Variants in SLC28A3 observed in about 807,000 individuals in gnomAD.
The protein encoded by SLC28A3 is concentrative Na(+)-nucleoside cotransporter 3.
SLC28A3 carries 68 observed loss-of-function variants against 84.2 expected under a neutral mutation model. The ratio of observed to expected loss-of-function variants is 0.81; its 90% CI spans 0.66 to 0.99. The LOEUF (loss-of-function observed/expected upper bound fraction) is 0.99, where lower values mean the gene tolerates loss of function less well. Among genes scored for constraint, SLC28A3 ranks in the 50% least tolerant of loss-of-function variants. The pLI is 0.00. For missense variants in SLC28A3, 712 were observed against 841.5 expected (o/e 0.85, Z 1.90); for synonymous variants, 267 against 303.6 (o/e 0.88, Z 1.25).
the SLC28A3 span, among the ~76,000 whole-genome samples, chr9:84,353,859 T>C: frequency 1.3e-5 from 2 of 152,234 alleles, no homozygotes; most frequent in African/African-American, 4.8e-5. Flanking sequence ...TTTACTTATT[T>C]GCCTTGTTAG....
chr9:84,296,514 C>T (rs911437259), intron 8 of SLC28A3, among the ~76,000 whole-genome samples: 13 of 152,296 alleles, frequency 8.5e-5, no homozygotes, highest in East Asian at 5.8e-4. Context: ...AAGGAAAACC[C>T]GAATGCATGT....
chr9:84,328,079 C>G (rs1209748879), intron 1 of SLC28A3, among the ~76,000 whole-genome samples: 1 of 149,812 alleles, frequency 6.7e-6, no homozygotes, highest in African/African-American at 2.5e-5. Flanking sequence ...AACAACAAGC[C>G]AATCTAAGAA....
At chr9:84,301,219 G>A (rs1423873324) in intron 5 of SLC28A3, among the ~76,000 whole-genome samples, 4 of 151,432 alleles carry the variant, frequency 2.6e-5, no homozygotes, top group African/African-American at 4.9e-5. Context: ...TGGGTATGGC[G>A]GTACATGGGA....
intron 14 of SLC28A3, among the ~76,000 whole-genome samples, chr9:84,283,005 C>T (rs1467876171): frequency 6.9e-6 from 1 of 145,952 alleles, no homozygotes; most frequent in East Asian, 2.1e-4. Flanking sequence ...CCTTGTTCCC[C>T]ACTTTTATTC....
chr9:84,298,457 A>C (rs1307567655), intron 6 of SLC28A3, among the ~76,000 whole-genome samples: 1 of 152,190 alleles, frequency 6.6e-6, no homozygotes, highest in Non-Finnish European at 1.5e-5. Flanking sequence ...ACTTCACTCC[A>C]GCCTGGGCAA....
chr9:84,358,329 G>T, the SLC28A3 span, among the ~76,000 whole-genome samples: 1 of 152,096 alleles, frequency 6.6e-6, no homozygotes, highest in Non-Finnish European at 1.5e-5. Context: ...CAAACAGCAT[G>T]CAGTTTATAC....
At chr9:84,325,798 C>T (rs536876714) in intron 1 of SLC28A3, among the ~76,000 whole-genome samples, 8 of 152,174 alleles carry the variant, frequency 5.3e-5, no homozygotes, top group Admixed American at 3.9e-4. Flanking sequence ...GAACACTGAC[C>T]GGTGACTCCT....
the SLC28A3 span, among the ~76,000 whole-genome samples, chr9:84,365,738 A>G: frequency 7.2e-3 from 1,103 of 152,230 alleles, 14 homozygotes; most frequent in African/African-American, 0.025. Context: ...CTGTCTCTGT[A>G]TATTTTCAGA....
chr9:84,281,060 G>T (rs1314852621), intron 14 of SLC28A3, among the ~76,000 whole-genome samples, 178 bp from the exon 15 acceptor site: 1 of 152,070 alleles, frequency 6.6e-6, no homozygotes, highest in Non-Finnish European at 1.5e-5. Flanking sequence ...GAATTTTGTG[G>T]GAAGATGGAA....
At chr9:84,300,438 TCAC>T (rs1825583410) in intron 5 of SLC28A3, among the ~76,000 whole-genome samples, 1 of 152,178 alleles carries the variant, frequency 6.6e-6, no homozygotes, top group South Asian at 2.1e-4. Flanking sequence ...TTGGGGGACC[TCAC>T]CAGCGGCCGA....
At chr9:84,349,591 A>G in the SLC28A3 span, among the ~76,000 whole-genome samples, 2 of 152,198 alleles carry the variant, frequency 1.3e-5, no homozygotes, top group African/African-American at 4.8e-5. Flanking sequence ...ACAGCAGAAA[A>G]CAGACTAAGA....
intron 11 of SLC28A3, among the ~76,000 whole-genome samples, chr9:84,289,558 G>C (rs1825130122): frequency 6.6e-6 from 1 of 152,250 alleles, no homozygotes; most frequent in Admixed American, 6.5e-5. Context: ...ATTACTCTGA[G>C]ATATGGACCT....
chr9:84,282,668 T>G (rs1824804307), intron 14 of SLC28A3, among the ~76,000 whole-genome samples: 1 of 152,240 alleles, frequency 6.6e-6, no homozygotes. Context: ...GTTTGAGGAC[T>G]GACTATAGGA....
chr9:84,344,080 C>T (rs1827211235), upstream of SLC28A3, among the ~76,000 whole-genome samples: 1 of 151,794 alleles, frequency 6.6e-6, no homozygotes, highest in Non-Finnish European at 1.5e-5. Context: ...ACGGAGATAA[C>T]AGTACCTGAG....
At chr9:84,314,043 C>T (rs1011887474) in intron 1 of SLC28A3, among the ~76,000 whole-genome samples, 65 of 152,114 alleles carry the variant, frequency 4.3e-4, no homozygotes, top group Admixed American at 3.9e-4. Context: ...GGTTTCCACT[C>T]TCCTTTCTAT....
chr9:84,280,767 A>G, intron 15 of SLC28A3, 34 bp downstream of exon 15: 6 of 1,605,986 alleles, frequency 3.7e-6, no homozygotes, highest in Non-Finnish European at 5.1e-6. Context: ...TCTATGGCAC[A>G]TCTGTGTTGT....
At chr9:84,342,798 C>T (rs1827191531), upstream of SLC28A3, among the ~76,000 whole-genome samples, 2 of 152,130 alleles carry the variant, frequency 1.3e-5, no homozygotes, top group Admixed American at 1.3e-4. Flanking sequence ...TATTGATTGG[C>T]TATACATTGC....
At position 84,302,223 on chromosome 9, in the gene SLC28A3, G is replaced by C; in HGVS notation, c.501C>G (p.Asn167Lys). The change falls in exon 5 of 18, where the codon AAC becomes AAG. Residue 167 changes from asparagine to lysine, a missense_variant. By Grantham distance (94) the Asn-to-Lys change is moderately conservative. Transcript: ENST00000376238. ...EMLSPGRRLL[N>K]SHWFWLKWVI... Reference sequence around the variant, plus strand: ...ACCACTTCAGCCAGAACCAATGGCTGTTTAGAAGCCTTCTGCCAGGAGACA... The same window carrying C: ...ACCACTTCAGCCAGAACCAATGGCTCTTTAGAAGCCTTCTGCCAGGAGACA... 6.2e-7 allele frequency: 1 copy of C among 1,614,106 alleles called. No individual in the cohort carries two copies. Among genetic ancestry groups the C allele is most frequent in the Non-Finnish European group, 8.5e-7 (1 of 1,179,992 alleles).
At chr9:84,351,281 C>T in the SLC28A3 span, among the ~76,000 whole-genome samples, 1 of 152,148 alleles carries the variant, frequency 6.6e-6, no homozygotes, top group Admixed American at 6.6e-5. Flanking sequence ...TCTTATGAGA[C>T]TACTATTGTA....
Sources: gnomAD v4.1 joint callset for allele counts (sites outside exome capture counted in the v4.1 genomes callset) on GRCh38, gnomAD v4.1.1 for gene constraint, MANE v1.5 for transcripts, NCBI Gene and HGNC (gene_info 2026-07-23, HGNC 2026-07-21) for gene names.